PLXNA2: variants seen among roughly 807,000 people sequenced by gnomAD.
The protein encoded by PLXNA2 is plexin A2.
In PLXNA2, 91 loss-of-function variants were observed where a neutral mutation model predicts 193.5. That is an observed-to-expected ratio of 0.47 (90% confidence interval 0.40 to 0.56). The LOEUF is 0.56. PLXNA2 is among the 20% of genes least tolerant of loss of function. PLXNA2 has a pLI of 0.00. For missense variants in PLXNA2, 1,995 were observed against 2,503.2 expected, an observed-to-expected ratio of 0.80 and a Z score of 4.33; for synonymous variants, 997 against 1,027.3, an observed-to-expected ratio of 0.97 and a Z score of 0.56.
At chr1:208,033,083 A>G (rs1664556769) in intron 28 of PLXNA2, among the ~76,000 whole-genome samples, 2 of 133,326 alleles carry the variant, frequency 1.5e-5, no homozygotes, top group East Asian at 2.2e-4. Context: ...GTTAGTGGAG[A>G]TCGGGTCTTG....
intron 3 of PLXNA2, among the ~76,000 whole-genome samples, chr1:208,171,717 G>A (rs566024247): frequency 1.3e-5 from 2 of 152,144 alleles, no homozygotes; most frequent in South Asian, 4.2e-4. Context: ...AGCCAGGCAT[G>A]ATGTGGCATG....
chr1:208,136,063 T>A (rs367610381), intron 4 of PLXNA2, among the ~76,000 whole-genome samples: 4 of 152,176 alleles, frequency 2.6e-5, no homozygotes, highest in African/African-American at 9.7e-5. Flanking sequence ...TAAGGCACTG[T>A]GGTCAACAGT....
At chr1:208,084,280 C>A in intron 10 of PLXNA2, 100 bp downstream of exon 10, 1 of 1,280,412 alleles carries the variant, frequency 7.8e-7, no homozygotes, top group South Asian at 1.3e-5. Context: ...AGCCTGTGAA[C>A]CTGGAAGGCT....
At chr1:208,209,699 C>A (rs1051199251) in intron 3 of PLXNA2, among the ~76,000 whole-genome samples, 1 of 152,160 alleles carries the variant, frequency 6.6e-6, no homozygotes, top group African/African-American at 2.4e-5. Context: ...TGGCAGCTTA[C>A]ATCTGGGTGG....
chr1:208,069,631 G>C (rs1184738034), intron 12 of PLXNA2, among the ~76,000 whole-genome samples: 3 of 152,152 alleles, frequency 2.0e-5, no homozygotes, highest in Non-Finnish European at 4.4e-5. Context: ...CCTAGGTTCA[G>C]CCTCAGGCAG....
At chr1:208,140,031 C>G (rs1001853044) in intron 4 of PLXNA2, among the ~76,000 whole-genome samples, 4 of 152,202 alleles carry the variant, frequency 2.6e-5, no homozygotes, top group Non-Finnish European at 5.9e-5. Flanking sequence ...CAGAGGCAGC[C>G]CATGGCATGA....
intron 1 of PLXNA2, among the ~76,000 whole-genome samples, chr1:208,219,110 T>C (rs949263119): frequency 7.9e-5 from 12 of 152,220 alleles, no homozygotes; most frequent in Admixed American, 7.8e-4. Context: ...TCTCTAGCCC[T>C]GACTCCTTTA....
chr1:208,057,677 CTATG>C (rs1212549830), intron 13 of PLXNA2, among the ~76,000 whole-genome samples: 2 of 152,144 alleles, frequency 1.3e-5, no homozygotes, highest in African/African-American at 4.8e-5. Flanking sequence ...TCTGGGGTCC[CTATG>C]TATTGTTAGG....
intron 3 of PLXNA2, among the ~76,000 whole-genome samples, chr1:208,183,288 G>A (rs915863808): frequency 5.3e-5 from 8 of 152,222 alleles, no homozygotes; most frequent in Admixed American, 1.3e-4. Flanking sequence ...GGCAGTGAGA[G>A]CCCCATGAAC....
intron 4 of PLXNA2, among the ~76,000 whole-genome samples, chr1:208,104,960 C>T (rs967669009): frequency 2.0e-5 from 3 of 152,148 alleles, no homozygotes; most frequent in African/African-American, 7.2e-5. Context: ...TGAGTTGACT[C>T]AAAGTCAACT....
intron 22 of PLXNA2, among the ~76,000 whole-genome samples, chr1:208,040,463 G>T (rs2102315728): frequency 6.6e-6 from 1 of 152,292 alleles, no homozygotes; most frequent in South Asian, 2.1e-4. Flanking sequence ...TTTCTTGCAT[G>T]TGTGAGTACC....
intron 3 of PLXNA2, among the ~76,000 whole-genome samples, chr1:208,153,897 G>A (rs913334091): frequency 1.2e-4 from 18 of 152,172 alleles, no homozygotes; most frequent in East Asian, 1.9e-4. Context: ...TTGAATAGCT[G>A]TCATCTTCAC....
chr1:208,178,937 T>G (rs956592855), intron 3 of PLXNA2, among the ~76,000 whole-genome samples: 2 of 152,166 alleles, frequency 1.3e-5, no homozygotes, highest in Admixed American at 6.5e-5. Flanking sequence ...AACAACTAGT[T>G]TAGGGTGTGG....
At chr1:208,156,097 GCAGGGTGAAAGAAA>G (rs1464893279) in intron 3 of PLXNA2, among the ~76,000 whole-genome samples, 1 of 74,444 alleles carries the variant, frequency 1.3e-5, no homozygotes, top group African/African-American at 4.5e-5. Flanking sequence ...AGTGGGGAAA[GCAGGGTGAAAGAAA>G]GGAGGGTTAT....
At chr1:208,185,987 G>T (rs958679665) in intron 3 of PLXNA2, among the ~76,000 whole-genome samples, 1 of 152,116 alleles carries the variant, frequency 6.6e-6, no homozygotes, top group Admixed American at 6.5e-5. Flanking sequence ...TCCCTGCAAT[G>T]ACTCCTTGCA....
intron 29 of PLXNA2, chr1:208,029,279 C>T (rs532471090): frequency 1.4e-5 from 19 of 1,338,328 alleles, no homozygotes; most frequent in Middle Eastern, 2.9e-4. Flanking sequence ...CTCTAACATC[C>T]GAGGGGTGGG....
intron 1 of PLXNA2, among the ~76,000 whole-genome samples, chr1:208,233,695 C>G (rs916101766): frequency 1.3e-5 from 2 of 152,252 alleles, no homozygotes; most frequent in East Asian, 1.9e-4. Flanking sequence ...TCCCAGCCAG[C>G]ACAGTTTGCA....
chr1:208,109,348 A>T (rs1055420934), intron 4 of PLXNA2, among the ~76,000 whole-genome samples: 4 of 152,098 alleles, frequency 2.6e-5, no homozygotes, highest in African/African-American at 9.7e-5. Flanking sequence ...ATAGGGTCTC[A>T]GAGCCACTTT....
chr1:208,138,871 A>G (rs1668381369), intron 4 of PLXNA2, among the ~76,000 whole-genome samples: 1 of 152,200 alleles, frequency 6.6e-6, no homozygotes, highest in South Asian at 2.1e-4. Flanking sequence ...TACTAAAAAT[A>G]CAAAAATTAG....
Sources: gnomAD v4.1 joint callset for allele counts (sites outside exome capture counted in the v4.1 genomes callset) on GRCh38, gnomAD v4.1.1 for gene constraint, MANE v1.5 for transcripts, NCBI Gene and HGNC (gene_info 2026-07-23, HGNC 2026-07-21) for gene names.